Variants in SPDYE18 observed in about 807,000 individuals in gnomAD.
The protein encoded by SPDYE18 is speedy/RINGO cell cycle regulator family member E18.
Under a neutral mutation model 44.9 loss-of-function variants are expected in SPDYE18, and 6 were observed. That is an observed-to-expected ratio of 0.13 (90% CI 0.07 to 0.26). SPDYE18 has a LOEUF of 0.26. Ranked by LOEUF, SPDYE18 falls within the 10% of genes least tolerant of loss-of-function variation. SPDYE18 has a pLI of 1.00. For missense variants in SPDYE18, 121 were observed against 463.2 expected, an observed-to-expected ratio of 0.26 and a Z score of 6.78; for synonymous variants, 35 against 177.1, an observed-to-expected ratio of 0.20 and a Z score of 6.37.
chr7:77,060,413 G>A lies in SPDYE18; in HGVS notation c.100C>T (p.Arg34Trp), dbSNP rs1033288338. 19 of 1,535,404 alleles carry A rather than the reference G, an allele frequency of 1.2e-5. No individual in the cohort carries two copies. Among genetic ancestry groups the A allele is most frequent in the East Asian group, 7.3e-5 (3 of 40,928 alleles). The change falls in exon 2 of 9, where the codon CGG becomes TGG. Residue 34 changes from arginine to tryptophan, a missense_variant. Transcript: ENST00000510091. Reference protein sequence around the residue: ...PHPQNEQSLQRSTSGYPLQEV... With the variant: ...PHPQNEQSLQWSTSGYPLQEV... Reference sequence around the variant, plus strand: ...TGGAGGGGGTACCCCGAGGTGCTCCGCTGGAGACTCTGCTCATTCTGGGGG... The same window carrying A: ...TGGAGGGGGTACCCCGAGGTGCTCCACTGGAGACTCTGCTCATTCTGGGGG...
At chr7:77,053,266 A>T in intron 6 of SPDYE18, 63 bp from the exon 7 acceptor site, 1 of 1,602,010 alleles carries the variant, frequency 6.2e-7, no homozygotes, top group South Asian at 1.1e-5. Flanking sequence ...GGCTGAGGTC[A>T]GCTTCCCAGA....
At chr7:77,054,531 C>T (rs1789881771) in intron 6 of SPDYE18, among the ~76,000 whole-genome samples, 2 of 150,228 alleles carry the variant, frequency 1.3e-5, no homozygotes, top group African/African-American at 2.4e-5. Flanking sequence ...ACAGTGGATT[C>T]GAGTGATGCG....
Position 77,051,177 on chromosome 7 carries a change from A to T in SPDYE18, c.*748T>A, listed in dbSNP as rs1789787230. 6.6e-6 allele frequency among the ~76,000 whole-genome samples: 1 copy of T among 152,128 alleles called. No individual in the cohort carries two copies. The highest frequency in any genetic ancestry group is 6.5e-5 in the Admixed American group (1 of 15,290). ...AGAGATTTTTATGGAAGTATCATAGATAAAAAGAGTGCTCGCTTCAGGAGC... is the reference window on the plus strand; with the variant it reads ...AGAGATTTTTATGGAAGTATCATAGTTAAAAAGAGTGCTCGCTTCAGGAGC... On this transcript the variant is annotated 3_prime_UTR_variant, in exon 9 of 9. Coordinates refer to ENST00000510091, the MANE Select transcript of SPDYE18 (RefSeq NM_001394953.1).
rs1465168125 is a variant in SPDYE18, at chr7:77,050,959, T to C, written c.*966A>G. ...ATAAAATAATACTTAAATAATTCTA[T>C]ACCCATGTTTTTCAAAATAAACCAA... On this transcript the variant is annotated 3_prime_UTR_variant, in exon 9 of 9. Coordinates refer to ENST00000510091, the MANE Select transcript of SPDYE18 (RefSeq NM_001394953.1). Among the ~76,000 whole-genome samples the C allele has an allele frequency of 6.6e-6, 1 of 150,812 alleles. No homozygotes were observed. Among genetic ancestry groups the C allele is most frequent in the Non-Finnish European group, 1.5e-5 (1 of 67,754 alleles).
In SPDYE18 at chr7:77,060,379, A is replaced by G; in HGVS notation, c.134T>C (p.Val45Ala). ...TGATGGTCCCAACACTTCATCATCC[A>G]CCACCTCCTGGAGGGGGTACCCCGA... ...STSGYPLQEV[V>A]DDEVLGPSAP... Residue 45 changes from valine to alanine, a missense_variant, in exon 2 of 9, where the codon GTG (valine) becomes GCG (alanine). Transcript: ENST00000510091. The G allele has an allele frequency of 3.9e-6, 6 of 1,535,152 alleles. No homozygotes were observed. Among genetic ancestry groups the G allele is most frequent in the Non-Finnish European group, 5.2e-6 (6 of 1,146,812 alleles).
chr7:77,053,951 A>G (rs4729111), intron 6 of SPDYE18, among the ~76,000 whole-genome samples: 25,824 of 95,128 alleles, frequency 0.27, 2,031 homozygotes, highest in East Asian at 0.51. Context: ...TGGAGGCTGC[A>G]GTGAGCTATG....
At chr7:77,058,522 T>C (rs1304812821) in intron 3 of SPDYE18, among the ~76,000 whole-genome samples, 2 of 134,592 alleles carry the variant, frequency 1.5e-5, no homozygotes, top group African/African-American at 5.3e-5. Flanking sequence ...TTTTTTTTTT[T>C]TTGAGACAGC....
chr7:77,057,317 T>TCATA (rs1388116204), intron 4 of SPDYE18, among the ~76,000 whole-genome samples: 1 of 151,924 alleles, frequency 6.6e-6, no homozygotes, highest in African/African-American at 2.4e-5. Context: ...AGTGGTGTAG[T>TCATA]CATAGCTCAC....
At chr7:77,053,658 G>A (rs1257870247) in intron 6 of SPDYE18, among the ~76,000 whole-genome samples, 25 of 152,320 alleles carry the variant, frequency 1.6e-4, no homozygotes, top group African/African-American at 5.0e-4. Context: ...TGGTCAACAC[G>A]GAGAAACCCC....
At chr7:77,054,234 A>G (rs1256257728) in intron 6 of SPDYE18, among the ~76,000 whole-genome samples, 3 of 150,048 alleles carry the variant, frequency 2.0e-5, no homozygotes, top group African/African-American at 4.9e-5. Flanking sequence ...TCAGAGCCAC[A>G]TGTGTGCGGG....
At chr7:77,053,234 G>A (rs1328963979) in intron 6 of SPDYE18, 31 bp from the exon 7 acceptor site, 1 of 1,611,668 alleles carries the variant, frequency 6.2e-7, no homozygotes, top group Admixed American at 1.7e-5. Context: ...GGTGCTCAGG[G>A]GCACCACCAG....
intron 3 of SPDYE18, among the ~76,000 whole-genome samples, chr7:77,058,701 T>C (rs1789971330): frequency 6.7e-6 from 1 of 149,428 alleles, no homozygotes; most frequent in Non-Finnish European, 1.5e-5. Flanking sequence ...TTCGCTATAT[T>C]GGTCTGGTTG....
In SPDYE18 at chr7:77,051,129, A is replaced by T. The variant is rs1262516296; in HGVS notation, c.*796T>A. 6.6e-6 allele frequency among the ~76,000 whole-genome samples: 1 copy of T among 152,038 alleles called. No individual in the cohort carries two copies. The highest frequency in any genetic ancestry group is 6.5e-5 in the Admixed American group (1 of 15,284). On this transcript the variant is annotated 3_prime_UTR_variant, in exon 9 of 9. Coordinates refer to ENST00000510091, the MANE Select transcript of SPDYE18 (RefSeq NM_001394953.1). ...AGAATTATGTTTTTTTCTGGTGGGG[A>T]ACTACCAATAGCTATAAATAGAAGA...
chr7:77,052,016 C>T (rs1252800074), intron 8 of SPDYE18, among the ~76,000 whole-genome samples, 137 bp from the exon 9 acceptor site: 1 of 139,488 alleles, frequency 7.2e-6, no homozygotes. Flanking sequence ...ATTCTATACC[C>T]TGCTTCTGAA....
In SPDYE18 at chr7:77,051,239, AAATATTTAGG is replaced by A. The variant is rs2053526092; in HGVS notation, c.*676_*685del. ...TACAGAAACAAATTTAAAGATAATAAAATATTTAGGATAAAAAGAATTGTCTCTTAAAAAT... is the reference window on the plus strand; with the variant it reads ...TACAGAAACAAATTTAAAGATAATAAATAAAAAGAATTGTCTCTTAAAAAT... On this transcript the variant is annotated 3_prime_UTR_variant, in exon 9 of 9. Coordinates refer to ENST00000510091, the MANE Select transcript of SPDYE18 (RefSeq NM_001394953.1). Among the ~76,000 whole-genome samples the A allele has an allele frequency of 6.6e-6, 1 of 152,216 alleles. No homozygotes were observed. The highest frequency in any genetic ancestry group is 2.4e-5 in the African/African-American group (1 of 41,482).
intron 4 of SPDYE18, among the ~76,000 whole-genome samples, chr7:77,057,329 G>A (rs1583977837): frequency 3.9e-5 from 6 of 152,082 alleles, no homozygotes; most frequent in African/African-American, 1.4e-4. Context: ...ATAGCTCACT[G>A]CAGCCTCAAA....
chr7:77,059,013 T>G (rs2117325086), intron 3 of SPDYE18, among the ~76,000 whole-genome samples, 167 bp downstream of exon 3: 1 of 152,032 alleles, frequency 6.6e-6, no homozygotes, highest in South Asian at 2.1e-4. Flanking sequence ...AGCCTAGTCC[T>G]CTATCATCTC....
In SPDYE18 at chr7:77,051,932, G is replaced by A. The variant is rs1583972459; in HGVS notation, c.*46-53C>T. 2.0e-5 allele frequency among the ~76,000 whole-genome samples: 3 copies of A among 148,532 alleles called. No individual in the cohort carries two copies. In the East Asian group the frequency reaches 6.1e-4, roughly 30 times the overall value. ...TTGAAGGAGGCAGCTCTCTAGACAG[G>A]AAGGTTATTCACGTCCCATGTCAAG... On this transcript the variant is annotated intron_variant, in intron 8 of 8. Transcript: ENST00000510091.
rs1168594124 is a variant in SPDYE18, at chr7:77,056,084, C to CAA, written c.669+464_669+465dup. On this transcript the variant is annotated intron_variant, in intron 5 of 8. Transcript: ENST00000510091. ...GGGAGCAGAGCTAGACTCTGTCTCACAAAAAAAAAATGTGTGGGTGCCAAG... is the reference window on the plus strand; with the variant it reads ...GGGAGCAGAGCTAGACTCTGTCTCACAAAAAAAAAAAATGTGTGGGTGCCAAG... Among the ~76,000 whole-genome samples the CAA allele has an allele frequency of 6.3e-3, 615 of 98,036 alleles. No homozygotes were observed. The East Asian group carries it at 0.083, about 13-fold the overall frequency. 64.3% of individuals were successfully genotyped at this position (98,036 alleles called of 152,430 possible). A position where few individuals can be genotyped will look rare whatever the true frequency, so the allele number is the denominator to read the frequency against.
Sources: allele counts gnomAD v4.1 joint callset (sites outside exome capture counted in the v4.1 genomes callset), GRCh38; gene constraint gnomAD v4.1.1; transcripts MANE v1.5; gene names NCBI Gene and HGNC (gene_info 2026-07-23, HGNC 2026-07-21).